Variants in PCGF5 observed in about 807,000 individuals in gnomAD.
PCGF5 encodes polycomb group ring finger 5.
PCGF5 carries 9 observed loss-of-function variants against 44.3 expected under a neutral mutation model. The ratio of observed to expected loss-of-function variants is 0.20; its 90% CI spans 0.12 to 0.35. The LOEUF is 0.35. PCGF5 is among the 10% of genes least tolerant of loss of function. The pLI is 1.00. For missense variants in PCGF5, 146 were observed against 305.3 expected, an observed-to-expected ratio of 0.48 and a Z score of 3.89; for synonymous variants, 95 against 102.5, an observed-to-expected ratio of 0.93 and a Z score of 0.44.
rs77259117 is a variant in PCGF5, at chr10:91,198,600, T to C, written c.-183-24089T>C. Among the ~76,000 whole-genome samples the C allele has an allele frequency of 5.9e-3, 895 of 152,350 alleles. 12 individuals are homozygous for C. Among genetic ancestry groups the C allele is most frequent in the African/African-American group, 0.02 (817 of 41,568 alleles). On this transcript the variant is annotated intron_variant, in intron 1 of 9. Transcript: ENST00000614189. Reference sequence around the variant, plus strand: ...CTAGAAGGCAGACCTGCCTACGGGCTGCAGAGTTCAAGCTTGTCTCTGTCC... The same window carrying C: ...CTAGAAGGCAGACCTGCCTACGGGCCGCAGAGTTCAAGCTTGTCTCTGTCC...
chr10:91,164,305 C>T (rs1357975568), intron 1 of PCGF5, among the ~76,000 whole-genome samples: 1 of 152,170 alleles, frequency 6.6e-6, no homozygotes, highest in African/African-American at 2.4e-5. Flanking sequence ...GCAGCGGGGT[C>T]CCCTCTTCCA....
At chr10:91,233,624 C>T (rs181115033) in intron 2 of PCGF5, among the ~76,000 whole-genome samples, 2 of 152,238 alleles carry the variant, frequency 1.3e-5, no homozygotes, top group East Asian at 3.9e-4. Context: ...AAGCGAATTA[C>T]AGCTATTCTG....
At chr10:91,183,341 G>A (rs113505404) in intron 1 of PCGF5, among the ~76,000 whole-genome samples, 149 of 151,952 alleles carry the variant, frequency 9.8e-4, no homozygotes, top group African/African-American at 3.4e-3. Flanking sequence ...TTACCATTAT[G>A]TAATGCCCTT....
intron 1 of PCGF5, among the ~76,000 whole-genome samples, chr10:91,193,729 A>T (rs1344789763): frequency 6.6e-6 from 1 of 152,090 alleles, no homozygotes; most frequent in Non-Finnish European, 1.5e-5. Flanking sequence ...TTTTTAAAGG[A>T]TCATGCTTAA....
chr10:91,260,974 T>A (rs960881874), intron 6 of PCGF5, among the ~76,000 whole-genome samples: 4 of 149,272 alleles, frequency 2.7e-5, no homozygotes, highest in Admixed American at 2.0e-4. Flanking sequence ...ATAATAATAA[T>A]AAAAGCTTAA....
intron 1 of PCGF5, among the ~76,000 whole-genome samples, chr10:91,164,725 A>G (rs764588218): frequency 6.6e-6 from 1 of 152,220 alleles, no homozygotes; most frequent in Non-Finnish European, 1.5e-5. Flanking sequence ...GACTGAATAA[A>G]GTTTTCTCAT....
intron 1 of PCGF5, among the ~76,000 whole-genome samples, chr10:91,179,565 A>G (rs1368210742): frequency 2.0e-5 from 3 of 152,090 alleles, no homozygotes; most frequent in Non-Finnish European, 4.4e-5. Context: ...TGTTCTCATC[A>G]TTTAGCTCCC....
chr10:91,172,687 G>C (rs537668049), intron 1 of PCGF5, among the ~76,000 whole-genome samples: 1 of 152,300 alleles, frequency 6.6e-6, no homozygotes, highest in East Asian at 1.9e-4. Context: ...CATAACTTTT[G>C]TGTTTGCCCC....
chr10:91,243,431 G>A (rs1400387117), intron 3 of PCGF5, among the ~76,000 whole-genome samples: 1 of 152,180 alleles, frequency 6.6e-6, no homozygotes, highest in Non-Finnish European at 1.5e-5. Context: ...AATTGCCTGT[G>A]ACACATGTAG....
Position 91,266,849 on chromosome 10 carries a change from C to G in PCGF5, c.663+2329C>G, listed in dbSNP as rs147134754. ...ATATACATTCAGAATCCAGCTATGT[C>G]TCACTACATCCACTTCACTACTAGT... On this transcript the variant is annotated intron_variant, in intron 8 of 9. Transcript: ENST00000336126. 3.1e-4 allele frequency among the ~76,000 whole-genome samples: 47 copies of G among 152,228 alleles called. No homozygotes were observed. In the East Asian group the frequency reaches 7.4e-3, roughly 24 times the overall value.
chr10:91,195,272 T>C, intron 1 of PCGF5, among the ~76,000 whole-genome samples: 1 of 151,132 alleles, frequency 6.6e-6, no homozygotes. Flanking sequence ...GAACATTAGC[T>C]ATCACCTCCT....
intron 8 of PCGF5, among the ~76,000 whole-genome samples, chr10:91,269,104 G>T (rs1476808568): frequency 2.6e-5 from 4 of 152,142 alleles, no homozygotes; most frequent in Non-Finnish European, 5.9e-5. Context: ...TAAGACTCAA[G>T]ATACTGTATT....
At chr10:91,239,854 A>G (rs1235157971) in intron 2 of PCGF5, among the ~76,000 whole-genome samples, 1 of 152,170 alleles carries the variant, frequency 6.6e-6, no homozygotes, top group Non-Finnish European at 1.5e-5. Context: ...AATTTTATTT[A>G]TCCCTGTCAG....
chr10:91,221,412 T>C (rs1483392220), intron 1 of PCGF5, among the ~76,000 whole-genome samples: 1 of 152,146 alleles, frequency 6.6e-6, no homozygotes, highest in Non-Finnish European at 1.5e-5. Flanking sequence ...GGCTCAGATA[T>C]GAAACGGTTT....
intron 3 of PCGF5, among the ~76,000 whole-genome samples, chr10:91,243,839 G>C (rs1845390773): frequency 6.6e-6 from 1 of 152,054 alleles, no homozygotes; most frequent in African/African-American, 2.4e-5. Flanking sequence ...TAAAGTACTG[G>C]TGTTAATGTT....
intron 1 of PCGF5, among the ~76,000 whole-genome samples, chr10:91,211,292 G>GT (rs1185821932): frequency 3.3e-5 from 5 of 152,158 alleles, no homozygotes; most frequent in Non-Finnish European, 7.4e-5. Flanking sequence ...GGGATTAGTT[G>GT]TTAAGTTAAA....
rs1410135678 is a variant in PCGF5, at chr10:91,281,032, G to T, written c.*2716G>T. 10 of 152,318 alleles carry T rather than the reference G, an allele frequency of 6.6e-5. No individual in the cohort carries two copies. The highest frequency in any genetic ancestry group is 2.2e-4 in the African/African-American group (9 of 41,410). 9.4% of individuals were successfully genotyped at this position (152,318 alleles called of 1,614,324 possible). ...GCCTTAGAAATTATAAGTATAAAAG[G>T]GTCAAGGGAACTTAGATATAAAGAA... On this transcript the variant is annotated 3_prime_UTR_variant, in exon 10 of 10. Coordinates refer to ENST00000336126, the MANE Select transcript of PCGF5 (RefSeq NM_032373.5).
chr10:91,267,205 G>A (rs1846069697), intron 8 of PCGF5, among the ~76,000 whole-genome samples: 1 of 151,846 alleles, frequency 6.6e-6, no homozygotes, highest in Non-Finnish European at 1.5e-5. Context: ...CACCTACCTC[G>A]TTTCCTTTAC....
intron 1 of PCGF5, 25 bp from the exon 2 acceptor site, chr10:91,222,664 C>T: frequency 5.9e-6 from 3 of 511,918 alleles, no homozygotes; most frequent in Non-Finnish European, 1.0e-5. Flanking sequence ...TTTCTCTCAT[C>T]TTTTTGAAAT....
Sources: allele counts gnomAD v4.1 joint callset (sites outside exome capture counted in the v4.1 genomes callset), GRCh38; gene constraint gnomAD v4.1.1; transcripts MANE v1.5; gene names NCBI Gene and HGNC (gene_info 2026-07-23, HGNC 2026-07-21).